Variants in NKAIN2 observed in about 807,000 individuals in gnomAD.
NKAIN2 encodes the protein sodium/potassium-transporting ATPase subunit beta-1-interacting protein 2.
A neutral mutation model predicts 32.6 loss-of-function variants in NKAIN2; 14 were observed. The ratio of observed to expected loss-of-function variants is 0.43; its 90% CI spans 0.28 to 0.67. The LOEUF (loss-of-function observed/expected upper bound fraction) is 0.67, where lower values mean the gene tolerates loss of function less well. Ranked by LOEUF, NKAIN2 falls within the 30% of genes least tolerant of loss-of-function variation. NKAIN2 has a pLI of 0.17. For missense variants in NKAIN2, 198 were observed against 258.3 expected (o/e 0.77, Z 1.60); for synonymous variants, 80 against 87.2 (o/e 0.92, Z 0.46).
At chr6:124,379,421 A>G (rs990233921) in intron 3 of NKAIN2, among the ~76,000 whole-genome samples, 2 of 151,958 alleles carry the variant, frequency 1.3e-5, no homozygotes, top group Non-Finnish European at 2.9e-5. Context: ...TTTCTTCAAC[A>G]TCCCAAGTTC....
At chr6:123,999,150 G>A (rs1779772128) in intron 1 of NKAIN2, among the ~76,000 whole-genome samples, 2 of 152,096 alleles carry the variant, frequency 1.3e-5, no homozygotes. Context: ...ATGAATTAAT[G>A]CAAATGGTAA....
chr6:124,078,358 G>C (rs1562345189), intron 1 of NKAIN2, among the ~76,000 whole-genome samples: 1 of 151,854 alleles, frequency 6.6e-6, no homozygotes, highest in Non-Finnish European at 1.5e-5. Flanking sequence ...AAATCAACAA[G>C]TGCTTATTAA....
At chr6:124,662,481 C>T (rs536859585) in intron 4 of NKAIN2, among the ~76,000 whole-genome samples, 3 of 152,110 alleles carry the variant, frequency 2.0e-5, no homozygotes, top group Admixed American at 6.6e-5. Context: ...TATATCTATT[C>T]CCTATTCAGA....
intron 2 of NKAIN2, among the ~76,000 whole-genome samples, chr6:124,328,614 G>A (rs1797516943): frequency 1.3e-5 from 2 of 152,150 alleles, no homozygotes; most frequent in Non-Finnish European, 1.5e-5. Flanking sequence ...TAAAAGCAAA[G>A]CAGTTGCAAC....
chr6:124,805,299 A>T (rs1195917318), intron 5 of NKAIN2, among the ~76,000 whole-genome samples: 1 of 152,152 alleles, frequency 6.6e-6, no homozygotes, highest in African/African-American at 2.4e-5. Flanking sequence ...CAAAACTTCC[A>T]GAGGAACGAT....
intron 4 of NKAIN2, chr6:124,658,970 A>AC (rs35667681): frequency 0.042 from 6,419 of 152,126 alleles, 140 homozygotes; most frequent in East Asian, 0.071. Flanking sequence ...AAAAAAAAAA[A>AC]AAACCTCCTT....
At chr6:124,471,221 G>T (rs1338108130) in intron 3 of NKAIN2, among the ~76,000 whole-genome samples, 1 of 152,014 alleles carries the variant, frequency 6.6e-6, no homozygotes, top group Non-Finnish European at 1.5e-5. Flanking sequence ...AATAAATTTT[G>T]ATATATTTTG....
rs539645086 is a variant in NKAIN2, at chr6:124,339,859, C to T, written c.193-15408C>T. ...GGAGGCCAGGAAGAGGGCCTTAAAG[C>T]AATAGAATAAAGAGAGTATCAGACG... On this transcript the variant is annotated intron_variant, in intron 2 of 6. Transcript: ENST00000368417. Among the ~76,000 whole-genome samples the T allele has an allele frequency of 3.9e-5, 6 of 152,114 alleles. No individual in the cohort carries two copies. In the South Asian group the frequency reaches 1.2e-3, roughly 32 times the overall value.
intron 1 of NKAIN2, among the ~76,000 whole-genome samples, chr6:124,068,758 C>T (rs202028279): frequency 4.9e-4 from 69 of 142,224 alleles, no homozygotes; most frequent in Non-Finnish European, 9.2e-4. Context: ...ATTATAAAAA[C>T]GGGGAAGGGA....
chr6:124,668,578 C>A (rs1022104645), intron 4 of NKAIN2, among the ~76,000 whole-genome samples: 1 of 152,034 alleles, frequency 6.6e-6, no homozygotes, highest in Non-Finnish European at 1.5e-5. Context: ...AGTTTTTCAA[C>A]TCATACGCAT....
At chr6:124,065,201 C>A (rs562491574) in intron 1 of NKAIN2, among the ~76,000 whole-genome samples, 2 of 150,888 alleles carry the variant, frequency 1.3e-5, no homozygotes, top group South Asian at 4.2e-4. Flanking sequence ...TTTTCTTCAT[C>A]TATCAGAAAA....
At chr6:124,360,927 T>G (rs576396956) in intron 3 of NKAIN2, among the ~76,000 whole-genome samples, 1 of 152,260 alleles carries the variant, frequency 6.6e-6, no homozygotes, top group African/African-American at 2.4e-5. Context: ...GTGACATGGG[T>G]TATTGAATTA....
chr6:124,488,922 G>A (rs1369147942), intron 3 of NKAIN2, among the ~76,000 whole-genome samples: 1 of 151,566 alleles, frequency 6.6e-6, no homozygotes, highest in Non-Finnish European at 1.5e-5. Context: ...ATGGGAAGAG[G>A]TATTAGTCAT....
intron 3 of NKAIN2, among the ~76,000 whole-genome samples, chr6:124,535,951 G>A (rs1484358581): frequency 6.6e-6 from 1 of 152,166 alleles, no homozygotes; most frequent in Non-Finnish European, 1.5e-5. Context: ...TCTACTTTTC[G>A]TGATAAGGTA....
intron 4 of NKAIN2, among the ~76,000 whole-genome samples, chr6:124,715,641 C>T (rs896592598): frequency 2.6e-5 from 4 of 152,186 alleles, no homozygotes; most frequent in Admixed American, 6.5e-5. Flanking sequence ...TCAAGGACCA[C>T]GATGTACATT....
At position 124,068,614 on chromosome 6, in the gene NKAIN2, G is replaced by A. The variant is rs527976768; in HGVS notation, c.55-214391G>A. Among the ~76,000 whole-genome samples the A allele has an allele frequency of 5.9e-5, 9 of 152,048 alleles. No homozygotes were observed. In the South Asian group the frequency reaches 1.9e-3, roughly 32 times the overall value. ...TTTGCTTGTATTTTGAGGAGCTATA[G>A]GAGAGCCTAGCCGTGGCTAGCAGAG... On this transcript the variant is annotated intron_variant, in intron 1 of 6. Coordinates refer to ENST00000368417, the MANE Select transcript of NKAIN2 (RefSeq NM_001040214.3).
intron 3 of NKAIN2, among the ~76,000 whole-genome samples, chr6:124,450,626 C>G (rs959324332): frequency 1.3e-5 from 2 of 151,568 alleles, no homozygotes; most frequent in South Asian, 2.1e-4. Flanking sequence ...AAAGATACTT[C>G]CATTTAATAG....
intron 1 of NKAIN2, among the ~76,000 whole-genome samples, chr6:124,196,003 G>A (rs1395277176): frequency 2.0e-5 from 3 of 151,848 alleles, no homozygotes; most frequent in African/African-American, 7.3e-5. Flanking sequence ...TTATAAATTT[G>A]TTCACTCTTT....
intron 5 of NKAIN2, among the ~76,000 whole-genome samples, chr6:124,799,149 C>T (rs566749012): frequency 6.6e-6 from 1 of 152,232 alleles, no homozygotes; most frequent in East Asian, 1.9e-4. Flanking sequence ...TGATCAACAC[C>T]TGAGACAGAT....
Sources: allele counts gnomAD v4.1 joint callset (sites outside exome capture counted in the v4.1 genomes callset), GRCh38; gene constraint gnomAD v4.1.1; transcripts MANE v1.5; gene names NCBI Gene and HGNC (gene_info 2026-07-23, HGNC 2026-07-21).